The following SEMA4D variants were observed in gnomAD, a reference collection of about 807,000 sequenced individuals.
SEMA4D encodes semaphorin-4D.
A neutral mutation model predicts 74.8 loss-of-function variants in SEMA4D; 22 were observed. The ratio of observed to expected loss-of-function variants is 0.29; its 90% confidence interval spans 0.21 to 0.42. The LOEUF (loss-of-function observed/expected upper bound fraction) is 0.42, where lower values mean the gene tolerates loss of function less well. Among genes scored for constraint, SEMA4D ranks in the 10% least tolerant of loss-of-function variants. The pLI is 1.00. For missense variants in SEMA4D, 937 were observed against 1,118.4 expected (o/e 0.84, Z 2.31); for synonymous variants, 445 against 463.7 (o/e 0.96, Z 0.52).
intron 2 of SEMA4D, among the ~76,000 whole-genome samples, chr9:89,442,783 G>A (rs1037561281): frequency 6.6e-6 from 1 of 152,108 alleles, no homozygotes; most frequent in African/African-American, 2.4e-5. Flanking sequence ...TGGCATGGCT[G>A]CAGCCCTCCC....
chr9:89,368,676 C>T (rs1834067037), intron 16 of SEMA4D: 2 of 152,374 alleles, frequency 1.3e-5, no homozygotes, highest in South Asian at 4.1e-4. Flanking sequence ...CCTCATCTCC[C>T]TGACAGTCAC....
At position 89,405,656 on chromosome 9, in the gene SEMA4D, T is replaced by C. The variant is rs1843168656; in HGVS notation, c.-200A>G. ...GGAGGGGTCGCTCTCACCACCGCAA[T>C]GTCAAAGCCCACTTGATACTTCTTC... is the stretch of plus-strand genomic sequence containing the variant. On this transcript the variant is annotated 5_prime_UTR_variant, in exon 3 of 16. Transcript: ENST00000422704. 22 of 1,420,382 alleles carry C rather than the reference T, an allele frequency of 1.5e-5. No homozygotes were observed. The highest frequency in any genetic ancestry group is 1.9e-5 in the Non-Finnish European group (21 of 1,091,088). 88.0% of individuals were successfully genotyped at this position (1,420,382 alleles called of 1,614,324 possible).
At chr9:89,431,468 T>C (rs1377743495) in intron 2 of SEMA4D, among the ~76,000 whole-genome samples, 1 of 152,242 alleles carries the variant, frequency 6.6e-6, no homozygotes, top group Non-Finnish European at 1.5e-5. Flanking sequence ...TTTTCAGTAT[T>C]GTTCTCCCAA....
rs541705911 is a variant in SEMA4D at position 89,447,266 on chromosome 9, C to T, written c.-244+8622G>A. 5.3e-5 allele frequency among the ~76,000 whole-genome samples: 8 copies of T among 152,186 alleles called. No individual in the cohort carries two copies. The East Asian group carries it at 5.8e-4, about 11-fold the overall frequency. ...CTGCCCTGGGAGACCTCCATATCCC[C>T]GGCTCCAGTCAGGACTAACCCTTGG... On this transcript the variant is annotated intron_variant, in intron 2 of 15. Coordinates refer to ENST00000422704, the MANE Select transcript of SEMA4D (RefSeq NM_001371194.2).
chr9:89,492,241 G>A lies in SEMA4D; in HGVS notation c.-310+5678C>T, dbSNP rs956444116. On this transcript the variant is annotated intron_variant, in intron 1 of 15. Transcript: ENST00000422704. The surrounding 1 kb of genome is among the most constrained non-coding windows in gnomAD (Gnocchi z 4.3). ...TTCGGTTCTCACCTTCGTGACCTCC[G>A]CTGTCACCCTCCCTCTCATGCAAGC... 1.1e-4 allele frequency among the ~76,000 whole-genome samples: 17 copies of A among 151,970 alleles called. No homozygotes were observed. The highest frequency in any genetic ancestry group is 3.6e-4 in the African/African-American group (15 of 41,328).
chr9:89,452,704 C>G (rs1021143531), intron 2 of SEMA4D, among the ~76,000 whole-genome samples: 1 of 152,348 alleles, frequency 6.6e-6, no homozygotes, highest in African/African-American at 2.4e-5. Context: ...CTACCCACCT[C>G]GGCCTCCCAA....
At chr9:89,441,679 G>A (rs548104409) in intron 2 of SEMA4D, among the ~76,000 whole-genome samples, 1 of 152,336 alleles carries the variant, frequency 6.6e-6, no homozygotes, top group African/African-American at 2.4e-5. Flanking sequence ...CCTGGAGGCT[G>A]TGGCTGCTTT....
chr9:89,381,559 T>G lies in SEMA4D; in HGVS notation c.1447-213A>C. ...TGCTATGTCAGGGCTCACTGGGCCTTAGGTCCAAATCCCTCTCTCCCCTGT... is the reference window on the plus strand; with the variant it reads ...TGCTATGTCAGGGCTCACTGGGCCTGAGGTCCAAATCCCTCTCTCCCCTGT... On this transcript the variant is annotated intron_variant, in intron 13 of 15. Coordinates refer to ENST00000422704, the MANE Select transcript of SEMA4D (RefSeq NM_001371194.2). The surrounding 1 kb of genome is among the most constrained non-coding windows in gnomAD (Gnocchi z 4.6). The G allele has an allele frequency of 2.2e-6, 1 of 453,120 alleles. No individual in the cohort carries two copies. The allele number at this position is 453,120 out of a possible 1,614,324, so 28.1% of individuals were successfully genotyped here. A position where few individuals can be genotyped will look rare whatever the true frequency, so the allele number is the denominator to read the frequency against.
chr9:89,439,359 T>C (rs1298950704), intron 2 of SEMA4D, among the ~76,000 whole-genome samples: 7 of 152,192 alleles, frequency 4.6e-5, no homozygotes, highest in Admixed American at 4.6e-4. Context: ...ATTCAGAATA[T>C]ATGAGTTACC....
chr9:89,464,038 G>A (rs991437045), intron 1 of SEMA4D, among the ~76,000 whole-genome samples: 5 of 151,742 alleles, frequency 3.3e-5, no homozygotes, highest in African/African-American at 7.3e-5. Flanking sequence ...CCTTAGACAC[G>A]TGCTTTTGGG....
Position 89,402,850 on chromosome 9 carries a change from G to T in SEMA4D, c.252+21C>A, listed in dbSNP as rs772654723. On this transcript the variant is annotated intron_variant, in intron 4 of 15. Coordinates refer to ENST00000422704, the MANE Select transcript of SEMA4D (RefSeq NM_001371194.2). ...CACTCAAGCTGGGCTATGTGGACAT[G>T]CAGGGGAGCCCAGGACGTACCTCAT... The T allele has an allele frequency of 3.1e-6, 5 of 1,607,268 alleles. No homozygotes were observed. The African/African-American group carries it at 5.3e-5, about 17-fold the overall frequency.
chr9:89,371,823 T>C (rs1240911886), intron 16 of SEMA4D, among the ~76,000 whole-genome samples: 1 of 40,818 alleles, frequency 2.4e-5, no homozygotes, highest in Non-Finnish European at 4.2e-5. Flanking sequence ...TGTGTGTGTC[T>C]GGGGTGTGGT....
chr9:89,412,247 T>G (rs1285695558), intron 2 of SEMA4D, among the ~76,000 whole-genome samples: 1 of 152,150 alleles, frequency 6.6e-6, no homozygotes, highest in African/African-American at 2.4e-5. Flanking sequence ...AGTAGAAAGT[T>G]CCACAAAACA....
intron 2 of SEMA4D, among the ~76,000 whole-genome samples, chr9:89,433,988 G>C (rs530008972): frequency 6.6e-6 from 1 of 152,218 alleles, no homozygotes; most frequent in Non-Finnish European, 1.5e-5. Context: ...AGGAATCTGT[G>C]CATGACTCAC....
In SEMA4D at chr9:89,497,143, T is replaced by C. The variant is rs537692512; in HGVS notation, c.-310+776A>G. ...CCCCCCAAAATACTAAGCCAGAAAATAGAGGACAACCACGAGTTCAACTCT... is the reference window on the plus strand; with the variant it reads ...CCCCCCAAAATACTAAGCCAGAAAACAGAGGACAACCACGAGTTCAACTCT... On this transcript the variant is annotated intron_variant, in intron 1 of 15. Transcript: ENST00000422704. Among the ~76,000 whole-genome samples, 8 of 151,948 alleles carry C rather than the reference T, an allele frequency of 5.3e-5. No homozygotes were observed. In the South Asian group the frequency reaches 1.7e-3, roughly 32 times the overall value.
chr9:89,462,620 AAAC>A (rs144107550), intron 1 of SEMA4D, among the ~76,000 whole-genome samples: 5,426 of 152,156 alleles, frequency 0.036, 319 homozygotes, highest in African/African-American at 0.12. Flanking sequence ...AAACAACTCA[AAAC>A]AACAACAAGC....
chr9:89,384,648 T>C lies in SEMA4D; in HGVS notation c.1446+1719A>G, dbSNP rs141516368. The C allele has an allele frequency of 5.7e-5, 56 of 984,680 alleles. No homozygotes were observed. In the African/African-American group the frequency reaches 9.8e-4, roughly 17 times the overall value. 61.0% of individuals were successfully genotyped at this position (984,680 alleles called of 1,614,324 possible). A position where few individuals can be genotyped will look rare whatever the true frequency, so the allele number is the denominator to read the frequency against. On this transcript the variant is annotated intron_variant, in intron 13 of 15. Coordinates refer to ENST00000422704, the MANE Select transcript of SEMA4D (RefSeq NM_001371194.2). ...TTAAGACGGCAAATTTCATCTGATG[T>C]GTATTTACCAAAATAAAAAGCAAAA... is the stretch of plus-strand genomic sequence containing the variant.
At chr9:89,422,480 AAG>A (rs1472121762) in intron 2 of SEMA4D, among the ~76,000 whole-genome samples, 1 of 152,224 alleles carries the variant, frequency 6.6e-6, no homozygotes, top group Non-Finnish European at 1.5e-5. Context: ...CCTGAAGTCC[AAG>A]AGAGAGGCTG....
chr9:89,477,662 C>T (rs901086086), intron 1 of SEMA4D, among the ~76,000 whole-genome samples: 1 of 152,176 alleles, frequency 6.6e-6, no homozygotes, highest in Non-Finnish European at 1.5e-5. Context: ...TGCATGCACG[C>T]ATGTGTGTGC....
Sources: allele counts gnomAD v4.1 joint callset (sites outside exome capture counted in the v4.1 genomes callset), GRCh38; gene constraint gnomAD v4.1.1; non-coding constraint Gnocchi (gnomAD v3.1); transcripts MANE v1.5; gene names NCBI Gene and HGNC (gene_info 2026-07-23, HGNC 2026-07-21).